Variants in CNTNAP2 observed in about 807,000 individuals in gnomAD.
CNTNAP2 encodes the protein contactin associated protein 2.
Under a neutral mutation model 155.2 loss-of-function variants are expected in CNTNAP2, and 98 were observed. That is an observed-to-expected ratio of 0.63 (90% confidence interval 0.54 to 0.75). The LOEUF (loss-of-function observed/expected upper bound fraction) is 0.75, where lower values mean the gene tolerates loss of function less well. CNTNAP2 is among the 30% of genes least tolerant of loss of function. The pLI, the probability that CNTNAP2 is intolerant of heterozygous loss-of-function variation, is 0.00. For missense variants in CNTNAP2, 1,727 were observed against 1,688.1 expected (o/e 1.02, Z -0.40); for synonymous variants, 651 against 631.2 (o/e 1.03, Z -0.47).
At chr7:147,090,349 G>A (rs1800375798) in intron 4 of CNTNAP2, among the ~76,000 whole-genome samples, 1 of 151,478 alleles carries the variant, frequency 6.6e-6, no homozygotes, top group Non-Finnish European at 1.5e-5. Context: ...GTGTGTGTGT[G>A]TGTTACAATT....
In CNTNAP2 at chr7:146,130,776, C is replaced by T. The variant is rs140573550; in HGVS notation, c.97+13803C>T. On this transcript the variant is annotated intron_variant, in intron 1 of 23. Coordinates refer to ENST00000361727, the MANE Select transcript of CNTNAP2 (RefSeq NM_014141.6). Reference sequence around the variant, plus strand: ...GCATGGCTGGGGAGGCCTCAGACAACTTACAATCATGGCAGAAGGCAAAGG... The same window carrying T: ...GCATGGCTGGGGAGGCCTCAGACAATTTACAATCATGGCAGAAGGCAAAGG... 4.6e-5 allele frequency among the ~76,000 whole-genome samples: 7 copies of T among 152,240 alleles called. No individual in the cohort carries two copies. In the East Asian group the frequency reaches 1.4e-3, roughly 29 times the overall value.
chr7:148,361,846 G>A (rs1174761566), intron 21 of CNTNAP2, among the ~76,000 whole-genome samples: 3 of 152,182 alleles, frequency 2.0e-5, no homozygotes, highest in African/African-American at 7.2e-5. Context: ...TCTTCACAGG[G>A]CGGCAGGAGA....
intron 8 of CNTNAP2, among the ~76,000 whole-genome samples, chr7:147,141,374 A>G (rs1177401828): frequency 6.6e-6 from 1 of 152,154 alleles, no homozygotes; most frequent in South Asian, 2.1e-4. Flanking sequence ...TTGTTAGGGT[A>G]TAGGCGTTAT....
At chr7:147,331,801 C>A (rs1026826590) in intron 9 of CNTNAP2, among the ~76,000 whole-genome samples, 1 of 152,130 alleles carries the variant, frequency 6.6e-6, no homozygotes, top group East Asian at 1.9e-4. Flanking sequence ...CACTTCTTGC[C>A]CCTTGTTCAT....
chr7:146,899,488 TTCCC>T (rs1312239772), intron 3 of CNTNAP2, among the ~76,000 whole-genome samples: 2 of 134,780 alleles, frequency 1.5e-5, no homozygotes, highest in South Asian at 2.3e-4. Context: ...CTCTTTCACT[TTCCC>T]TGCATGCATT....
chr7:146,811,548 G>A (rs1328362310), intron 2 of CNTNAP2, among the ~76,000 whole-genome samples: 1 of 151,772 alleles, frequency 6.6e-6, no homozygotes, highest in Non-Finnish European at 1.5e-5. Flanking sequence ...CTAGCTAAAG[G>A]TATATAAATT....
chr7:147,042,133 G>A lies in CNTNAP2; in HGVS notation c.403-1774G>A, dbSNP rs912423007. The stretch of plus-strand genomic sequence containing the variant: ...TGCTCTATTAAGTGTTAAAATTCAA[G>A]ACATACTGCTCAAATAGTTTTGTTT... On this transcript the variant is annotated intron_variant, in intron 3 of 23. Transcript: ENST00000361727. 6.6e-5 allele frequency among the ~76,000 whole-genome samples: 10 copies of A among 152,130 alleles called. 1 individual carries two copies. Among genetic ancestry groups the A allele is most frequent in the Admixed American group, 2.0e-4 (3 of 15,272 alleles).
intron 1 of CNTNAP2, among the ~76,000 whole-genome samples, chr7:146,241,526 C>G (rs1799562392): frequency 1.3e-5 from 2 of 152,108 alleles, no homozygotes; most frequent in African/African-American, 4.8e-5. Flanking sequence ...ATTTGCTGAA[C>G]TCTTCACTGT....
Position 147,392,235 on chromosome 7 carries a change from G to A in CNTNAP2, c.1499-3374G>A, listed in dbSNP as rs149355156. The stretch of plus-strand genomic sequence containing the variant: ...TCACGCTTCTTTTAAGGCCTGTCCC[G>A]CTAACTTGCATATTCCTGTCCCTAA... On this transcript the variant is annotated intron_variant, in intron 9 of 23. Coordinates refer to ENST00000361727, the MANE Select transcript of CNTNAP2 (RefSeq NM_014141.6). Among the ~76,000 whole-genome samples, 491 of 151,560 alleles carry A rather than the reference G, an allele frequency of 3.2e-3. 5 individuals carry two copies. The highest frequency in any genetic ancestry group is 0.011 in the African/African-American group (448 of 41,360).
At chr7:147,564,649 A>G (rs1463826649) in intron 12 of CNTNAP2, among the ~76,000 whole-genome samples, 3 of 152,192 alleles carry the variant, frequency 2.0e-5, no homozygotes, top group Non-Finnish European at 4.4e-5. Context: ...TAATTCTCAT[A>G]TCAAGGACAC....
intron 21 of CNTNAP2, among the ~76,000 whole-genome samples, chr7:148,299,251 A>C (rs913174564): frequency 6.6e-6 from 1 of 152,154 alleles, no homozygotes; most frequent in Non-Finnish European, 1.5e-5. Context: ...CAGCCTCCCA[A>C]AATGCTGGTA....
intron 9 of CNTNAP2, among the ~76,000 whole-genome samples, chr7:147,337,121 T>C (rs2116852529): frequency 6.6e-6 from 1 of 152,254 alleles, no homozygotes; most frequent in Middle Eastern, 3.4e-3. Context: ...CTTGCATAAG[T>C]CAAGAGTGAT....
chr7:148,122,964 G>GT (rs1229996354), intron 16 of CNTNAP2, among the ~76,000 whole-genome samples: 1 of 152,188 alleles, frequency 6.6e-6, no homozygotes, highest in Non-Finnish European at 1.5e-5. Flanking sequence ...TGAAACCAGT[G>GT]TTTCTAGTTT....
intron 22 of CNTNAP2, among the ~76,000 whole-genome samples, chr7:148,384,173 T>C (rs1799137371): frequency 6.6e-6 from 1 of 152,212 alleles, no homozygotes; most frequent in Non-Finnish European, 1.5e-5. Context: ...GCCATGACTG[T>C]GGGTGATTTG....
At chr7:148,035,588 G>A (rs1381565083) in intron 15 of CNTNAP2, among the ~76,000 whole-genome samples, 1 of 152,178 alleles carries the variant, frequency 6.6e-6, no homozygotes, top group Non-Finnish European at 1.5e-5. Context: ...TAGCTGTGGG[G>A]CCATGGTAGC....
At chr7:147,250,818 G>A (rs1804180705) in intron 8 of CNTNAP2, among the ~76,000 whole-genome samples, 1 of 152,090 alleles carries the variant, frequency 6.6e-6, no homozygotes, top group African/African-American at 2.4e-5. Flanking sequence ...GCAATGAGGG[G>A]CTCCGGCTGA....
At chr7:148,261,230 G>C (rs533391769) in intron 20 of CNTNAP2, among the ~76,000 whole-genome samples, 1 of 151,828 alleles carries the variant, frequency 6.6e-6, no homozygotes, top group Admixed American at 6.6e-5. Context: ...GCACCATCTC[G>C]GCTCACTGCA....
chr7:146,424,078 G>A (rs1796052673), intron 1 of CNTNAP2, among the ~76,000 whole-genome samples: 2 of 152,048 alleles, frequency 1.3e-5, no homozygotes, highest in African/African-American at 2.4e-5. Context: ...GAACTTGGGG[G>A]AAATTTCATA....
In CNTNAP2 at chr7:146,274,341, C is replaced by T. The variant is rs567676981; in HGVS notation, c.97+157368C>T. Reference sequence around the variant, plus strand: ...ACAATTGTCATGGAGCCCAGTGACTCGGAAGCTGAGTTTTGCGTTCTGAGT... The same window carrying T: ...ACAATTGTCATGGAGCCCAGTGACTTGGAAGCTGAGTTTTGCGTTCTGAGT... On this transcript the variant is annotated intron_variant, in intron 1 of 23. Transcript: ENST00000361727. 2.0e-3 allele frequency among the ~76,000 whole-genome samples: 310 copies of T among 152,224 alleles called. 3 individuals are homozygous for T. The highest frequency in any genetic ancestry group is 7.0e-3 in the African/African-American group (290 of 41,544).
Sources: gnomAD v4.1 joint callset for allele counts (sites outside exome capture counted in the v4.1 genomes callset) on GRCh38, gnomAD v4.1.1 for gene constraint, MANE v1.5 for transcripts, NCBI Gene and HGNC (gene_info 2026-07-23, HGNC 2026-07-21) for gene names.